TMTC1: variants seen among roughly 807,000 people sequenced by gnomAD.
TMTC1 encodes the protein protein O-mannosyl-transferase TMTC1.
A neutral mutation model predicts 104.8 loss-of-function variants in TMTC1; 73 were observed. That is an observed-to-expected ratio of 0.70 (90% CI 0.58 to 0.85). TMTC1 has a LOEUF of 0.85. Ranked by LOEUF, TMTC1 falls within the 40% of genes least tolerant of loss-of-function variation. The pLI, the probability that TMTC1 is intolerant of heterozygous loss-of-function variation, is 0.00. For missense variants in TMTC1, 1,035 were observed against 1,096.1 expected (o/e 0.94, Z 0.79); for synonymous variants, 434 against 428.7 (o/e 1.01, Z -0.15).
intron 9 of TMTC1, among the ~76,000 whole-genome samples, chr12:29,561,534 AC>A (rs1444955694): frequency 6.6e-6 from 1 of 152,192 alleles, no homozygotes; most frequent in Non-Finnish European, 1.5e-5. Context: ...GATTAACAAC[AC>A]CCAGTAAGTG....
At chr12:29,681,113 A>AC (rs936847967) in intron 5 of TMTC1, among the ~76,000 whole-genome samples, 1 of 151,626 alleles carries the variant, frequency 6.6e-6, no homozygotes, top group Non-Finnish European at 1.5e-5. Context: ...AAAAAAAAAA[A>AC]AAAAAGAAAC....
rs1239352907 is a variant in TMTC1, at chr12:29,633,288, A to G, written c.987T>C (p.Leu329=). The change falls in exon 6 of 18, where the codon CTT becomes CTC. Residue 329 remains leucine (L), a synonymous_variant. Coordinates refer to ENST00000539277, the MANE Select transcript of TMTC1 (RefSeq NM_001193451.2). Reference sequence around the variant, plus strand: ...AGTCATAGCACAGGGTCACGGGTGCAAGCAGAAGCCACACATTGAAGGCCA... The same window carrying G: ...AGTCATAGCACAGGGTCACGGGTGCGAGCAGAAGCCACACATTGAAGGCCA... ...YLLAFNVWLL[L]APVTLCYDWQ... 3 of 1,613,730 alleles carry G rather than the reference A, an allele frequency of 1.9e-6. No individual in the cohort carries two copies. Among genetic ancestry groups the G allele is most frequent in the Non-Finnish European group, 1.7e-6 (2 of 1,179,864 alleles).
chr12:29,775,231 A>T (rs1313994931), intron 1 of TMTC1, among the ~76,000 whole-genome samples: 3 of 152,008 alleles, frequency 2.0e-5, no homozygotes, highest in South Asian at 2.1e-4. Flanking sequence ...ATTTTTTTTT[A>T]AATGTGTGTT....
At chr12:29,735,422 A>G (rs302370) in intron 5 of TMTC1, among the ~76,000 whole-genome samples, 61,816 of 152,060 alleles carry the variant, frequency 0.41, 12,683 homozygotes, top group South Asian at 0.46. Flanking sequence ...GAGTCGTTAT[A>G]AGGATTAAGT....
intron 6 of TMTC1, among the ~76,000 whole-genome samples, chr12:29,613,504 C>A (rs1275098423): frequency 6.6e-6 from 1 of 152,138 alleles, no homozygotes; most frequent in East Asian, 1.9e-4. Flanking sequence ...GACTGTGGCA[C>A]AAGTAATGCC....
chr12:29,697,526 T>C (rs948608136), intron 5 of TMTC1, among the ~76,000 whole-genome samples: 1 of 152,206 alleles, frequency 6.6e-6, no homozygotes, highest in Non-Finnish European at 1.5e-5. Flanking sequence ...TATGTGTGTG[T>C]ATAGAAAGAG....
intron 8 of TMTC1, among the ~76,000 whole-genome samples, chr12:29,574,646 C>T (rs1945771740): frequency 1.3e-5 from 2 of 152,136 alleles, no homozygotes; most frequent in South Asian, 4.1e-4. Flanking sequence ...TAGCTATGAC[C>T]CATATGGCAT....
At chr12:29,656,854 GT>G (rs924442429) in intron 5 of TMTC1, among the ~76,000 whole-genome samples, 1 of 151,952 alleles carries the variant, frequency 6.6e-6, no homozygotes, top group African/African-American at 2.4e-5. Flanking sequence ...CACCAAAGAA[GT>G]TTTTTTTCCT....
At chr12:29,636,256 C>A (rs1221012399) in intron 5 of TMTC1, among the ~76,000 whole-genome samples, 1 of 152,094 alleles carries the variant, frequency 6.6e-6, no homozygotes, top group Non-Finnish European at 1.5e-5. Context: ...GTTCTTTATG[C>A]CACTTTCTCT....
Position 29,584,339 on chromosome 12 carries a change from TATA to T in TMTC1, c.1251-768_1251-766del, listed in dbSNP as rs1436325284. 2.0e-5 allele frequency among the ~76,000 whole-genome samples: 3 copies of T among 152,240 alleles called. No homozygotes were observed. The East Asian group carries it at 5.8e-4, about 29-fold the overall frequency. ...TGCCTGCCACTTGGACACAGAAGAATATAAACTTGTAGTTTGTACCCATTAATG... is the reference window on the plus strand; with the variant it reads ...TGCCTGCCACTTGGACACAGAAGAATAACTTGTAGTTTGTACCCATTAATG... On this transcript the variant is annotated intron_variant, in intron 7 of 17. Coordinates refer to ENST00000539277, the MANE Select transcript of TMTC1 (RefSeq NM_001193451.2).
chr12:29,654,232 T>C (rs999889313), intron 5 of TMTC1, among the ~76,000 whole-genome samples: 2 of 152,056 alleles, frequency 1.3e-5, no homozygotes, highest in Admixed American at 6.5e-5. Context: ...TTAAGAAAAA[T>C]GTTACAACTT....
intron 5 of TMTC1, among the ~76,000 whole-genome samples, chr12:29,656,021 C>T (rs1011474161): frequency 6.6e-6 from 1 of 152,104 alleles, no homozygotes; most frequent in African/African-American, 2.4e-5. Context: ...CGGCCATAAC[C>T]ACCTGGCAAG....
At chr12:29,610,488 A>G (rs1295319680) in intron 6 of TMTC1, among the ~76,000 whole-genome samples, 1 of 152,248 alleles carries the variant, frequency 6.6e-6, no homozygotes, top group African/African-American at 2.4e-5. Flanking sequence ...GATTAAATGC[A>G]ATAGACCACT....
At chr12:29,667,810 T>C (rs988636237) in intron 5 of TMTC1, among the ~76,000 whole-genome samples, 4 of 152,218 alleles carry the variant, frequency 2.6e-5, no homozygotes, top group African/African-American at 7.2e-5. Flanking sequence ...CAGGGAAGTT[T>C]CAATTCATTA....
rs528311210 is a variant in TMTC1, at chr12:29,755,110, T to A, written c.731+599A>T. 2.2e-4 allele frequency among the ~76,000 whole-genome samples: 34 copies of A among 152,330 alleles called. No individual in the cohort carries two copies. The South Asian group carries it at 6.6e-3, about 30-fold the overall frequency. On this transcript the variant is annotated intron_variant, in intron 4 of 17. Coordinates refer to ENST00000539277, the MANE Select transcript of TMTC1 (RefSeq NM_001193451.2). ...TAATATGCCTTAGTGATTCTTATCA[T>A]CTATAAGCCACAACATAAAATGAGT...
chr12:29,554,705 C>T (rs561942283), intron 10 of TMTC1, among the ~76,000 whole-genome samples: 18 of 152,014 alleles, frequency 1.2e-4, no homozygotes, highest in Non-Finnish European at 2.1e-4. Context: ...CCCACTTCTA[C>T]AAAAAATACA....
intron 4 of TMTC1, among the ~76,000 whole-genome samples, chr12:29,753,704 T>C (rs1943145729): frequency 1.3e-5 from 2 of 152,244 alleles, no homozygotes; most frequent in African/African-American, 4.8e-5. Context: ...TTACATAATG[T>C]CTGTCTCCAC....
At chr12:29,692,954 C>T (rs1941307621) in intron 5 of TMTC1, among the ~76,000 whole-genome samples, 1 of 144,778 alleles carries the variant, frequency 6.9e-6, no homozygotes, top group Non-Finnish European at 1.5e-5. Context: ...TCTACAAAAA[C>T]AGAAAGCAGA....
At chr12:29,624,331 C>A in intron 6 of TMTC1, among the ~76,000 whole-genome samples, 1 of 152,114 alleles carries the variant, frequency 6.6e-6, no homozygotes, top group East Asian at 1.9e-4. Flanking sequence ...CTTGGGCCCA[C>A]CAAGAAGAAA....
Sources: gnomAD v4.1 joint callset for allele counts (sites outside exome capture counted in the v4.1 genomes callset) on GRCh38, gnomAD v4.1.1 for gene constraint, MANE v1.5 for transcripts, NCBI Gene and HGNC (gene_info 2026-07-23, HGNC 2026-07-21) for gene names.